The following MAD1L1 variants were observed in gnomAD, a reference collection of about 807,000 sequenced individuals.
MAD1L1 encodes the protein mitotic arrest deficient 1 like 1, also known as mitotic spindle assembly checkpoint protein MAD1.
In MAD1L1, 95 loss-of-function variants were observed where a neutral mutation model predicts 96.9. The ratio of observed to expected loss-of-function variants is 0.98; its 90% CI spans 0.83 to 1.16. The LOEUF (loss-of-function observed/expected upper bound fraction) is 1.16. Ranked by LOEUF, MAD1L1 falls within the 50% of genes most tolerant of loss-of-function variation. MAD1L1 has a pLI of 0.00. For missense variants in MAD1L1, 1,007 were observed against 954.4 expected, an observed-to-expected ratio of 1.06 and a Z score of -0.73; for synonymous variants, 473 against 396.6, an observed-to-expected ratio of 1.19 and a Z score of -2.29.
chr7:2,050,286 G>C (rs1784113192), intron 12 of MAD1L1, among the ~76,000 whole-genome samples: 1 of 152,234 alleles, frequency 6.6e-6, no homozygotes, highest in South Asian at 2.1e-4. Context: ...GCTAAGCCAG[G>C]TATGAGGCCA....
At chr7:2,011,777 T>C (rs1225611168) in intron 13 of MAD1L1, among the ~76,000 whole-genome samples, 2 of 152,164 alleles carry the variant, frequency 1.3e-5, no homozygotes, top group East Asian at 3.9e-4. Flanking sequence ...GGAAGACCTC[T>C]CTGGAATCTG....
chr7:2,148,754 T>C, intron 11 of MAD1L1: 1 of 230,778 alleles, frequency 4.3e-6, no homozygotes, highest in Non-Finnish European at 8.6e-6. Flanking sequence ...CAATCACGCC[T>C]GCATTCATGC....
intron 10 of MAD1L1, among the ~76,000 whole-genome samples, chr7:2,154,989 G>A (rs902089572): frequency 1.3e-5 from 2 of 152,064 alleles, no homozygotes; most frequent in African/African-American, 4.8e-5. Context: ...GAGGAGCCCA[G>A]GAGGCTCTGG....
intron 11 of MAD1L1, among the ~76,000 whole-genome samples, chr7:2,078,169 C>T (rs1377159811): frequency 1.3e-5 from 2 of 152,292 alleles, no homozygotes; most frequent in East Asian, 1.9e-4. Flanking sequence ...TGAGGAGCCG[C>T]CTGAGAATGG....
At chr7:2,004,005 C>G (rs1781919200) in intron 13 of MAD1L1, among the ~76,000 whole-genome samples, 1 of 152,196 alleles carries the variant, frequency 6.6e-6, no homozygotes, top group Non-Finnish European at 1.5e-5. Context: ...CGAGCTGCAG[C>G]CCTGGGCACT....
intron 17 of MAD1L1, among the ~76,000 whole-genome samples, chr7:1,928,480 C>T (rs1439714263): frequency 1.3e-5 from 2 of 152,246 alleles, no homozygotes; most frequent in South Asian, 4.1e-4. Context: ...ACTCCTGCCA[C>T]ACCTGAGACT....
intron 12 of MAD1L1, among the ~76,000 whole-genome samples, chr7:2,021,346 G>C (rs1782779371): frequency 1.3e-5 from 2 of 152,152 alleles, no homozygotes; most frequent in African/African-American, 4.8e-5. Context: ...AAATGCATCA[G>C]ACCTCCTGAC....
At chr7:2,184,566 A>T (rs1242638369) in intron 10 of MAD1L1, among the ~76,000 whole-genome samples, 1 of 152,200 alleles carries the variant, frequency 6.6e-6, no homozygotes, top group African/African-American at 2.4e-5. Flanking sequence ...TGCTCACTCG[A>T]GAGAATGGAA....
intron 10 of MAD1L1, among the ~76,000 whole-genome samples, chr7:2,172,445 G>A (rs1790750586): frequency 6.6e-6 from 1 of 152,222 alleles, no homozygotes; most frequent in Non-Finnish European, 1.5e-5. Context: ...CGGTGCCGCT[G>A]CGAAAGGCCC....
intron 18 of MAD1L1, among the ~76,000 whole-genome samples, chr7:1,893,416 T>C (rs1283470289): frequency 6.6e-6 from 1 of 152,192 alleles, no homozygotes; most frequent in Non-Finnish European, 1.5e-5. Context: ...TGCAGCCCCC[T>C]TTCTGCCTGA....
chr7:2,189,640 C>T (rs1386580037), intron 10 of MAD1L1, among the ~76,000 whole-genome samples: 3 of 152,096 alleles, frequency 2.0e-5, no homozygotes, highest in South Asian at 2.1e-4. Flanking sequence ...CTAGAGCCAA[C>T]GGGGGAGCAC....
rs549254750 is a variant in MAD1L1, at chr7:2,066,844, C to G, written c.1218+2350G>C. Among the ~76,000 whole-genome samples the G allele has an allele frequency of 2.0e-4, 30 of 152,364 alleles. No homozygotes were observed. The South Asian group carries it at 5.4e-3, about 27-fold the overall frequency. ...CGTGGGTCACAGGCTGCAGGCCAGA[C>G]CCAGCACACAAGAACACTCAGGCCC... On this transcript the variant is annotated intron_variant, in intron 12 of 18. Transcript: ENST00000265854.
intron 10 of MAD1L1, among the ~76,000 whole-genome samples, chr7:2,210,362 T>G (rs959818385): frequency 6.6e-6 from 1 of 152,162 alleles, no homozygotes; most frequent in South Asian, 2.1e-4. Context: ...TGAGCCACTG[T>G]GCGCAGCCAG....
intron 18 of MAD1L1, among the ~76,000 whole-genome samples, chr7:1,859,026 G>T (rs1784391137): frequency 6.6e-6 from 1 of 151,990 alleles, no homozygotes; most frequent in African/African-American, 2.4e-5. Context: ...CATGGGAGAG[G>T]TGGAGGGATG....
chr7:2,020,104 G>A (rs916330922), intron 12 of MAD1L1, among the ~76,000 whole-genome samples: 1 of 152,246 alleles, frequency 6.6e-6, no homozygotes, highest in African/African-American at 2.4e-5. Flanking sequence ...CTGTCGCTCA[G>A]ACCACGGAGG....
intron 18 of MAD1L1, among the ~76,000 whole-genome samples, chr7:1,818,846 C>T (rs13224714): frequency 1.5e-4 from 23 of 151,208 alleles, no homozygotes; most frequent in Admixed American, 5.3e-4. Context: ...TAATATACCG[C>T]GCTGCCCTCC....
intron 18 of MAD1L1, chr7:1,847,650 C>T (rs753126171): frequency 5.5e-5 from 26 of 470,744 alleles, no homozygotes; most frequent in Admixed American, 2.3e-4. Context: ...CAGCTGCCCT[C>T]GGCCCATCTC....
chr7:2,099,345 T>C (rs1327229295), intron 11 of MAD1L1, among the ~76,000 whole-genome samples: 1 of 152,228 alleles, frequency 6.6e-6, no homozygotes, highest in Non-Finnish European at 1.5e-5. Flanking sequence ...AGGAGTTGTT[T>C]CCCGCAGCCC....
At chr7:1,840,555 C>T (rs1783195793) in intron 18 of MAD1L1, among the ~76,000 whole-genome samples, 1 of 152,180 alleles carries the variant, frequency 6.6e-6, no homozygotes, top group East Asian at 1.9e-4. Context: ...CATGGCAAAA[C>T]CCCGTCTCTA....
Sources: allele counts gnomAD v4.1 joint callset (sites outside exome capture counted in the v4.1 genomes callset), GRCh38; gene constraint gnomAD v4.1.1; transcripts MANE v1.5; gene names NCBI Gene and HGNC (gene_info 2026-07-23, HGNC 2026-07-21).